The following BCAS3 variants were observed in gnomAD, a reference collection of about 807,000 sequenced individuals.
BCAS3 encodes the protein BCAS4/BCAS3 fusion.
Under a neutral mutation model 116.1 loss-of-function variants are expected in BCAS3, and 53 were observed. The ratio of observed to expected loss-of-function variants is 0.46; its 90% CI spans 0.37 to 0.57. BCAS3 has a LOEUF of 0.57. Among genes scored for constraint, BCAS3 ranks in the 20% least tolerant of loss-of-function variants. BCAS3 has a pLI of 0.00. For missense variants in BCAS3, 917 were observed against 1,165.4 expected, an observed-to-expected ratio of 0.79 and a Z score of 3.10; for synonymous variants, 391 against 408.2, an observed-to-expected ratio of 0.96 and a Z score of 0.51.
At chr17:61,218,674 T>A (rs773686167) in intron 22 of BCAS3, among the ~76,000 whole-genome samples, 2 of 152,180 alleles carry the variant, frequency 1.3e-5, no homozygotes, top group Non-Finnish European at 2.9e-5. Flanking sequence ...GCTGTTTAGT[T>A]TTGTGATTAA....
At chr17:60,687,459 CT>C (rs1299426468) in intron 3 of BCAS3, among the ~76,000 whole-genome samples, 2 of 152,080 alleles carry the variant, frequency 1.3e-5, no homozygotes, top group Non-Finnish European at 2.9e-5. Context: ...CAAAAATTAG[CT>C]GGGTGTGGTG....
intron 22 of BCAS3, among the ~76,000 whole-genome samples, chr17:61,317,556 G>C (rs548727900): frequency 6.6e-6 from 1 of 152,306 alleles, no homozygotes; most frequent in South Asian, 2.1e-4. Context: ...GGTGAGGTGA[G>C]GTCACTCTAG....
chr17:61,106,319 C>T lies in BCAS3; in HGVS notation c.2425+21755C>T, dbSNP rs997191168. 2.6e-5 allele frequency among the ~76,000 whole-genome samples: 4 copies of T among 152,134 alleles called. No homozygotes were observed. Among genetic ancestry groups the T allele is most frequent in the African/African-American group, 9.7e-5 (4 of 41,432 alleles). ...CAGTGTTCCAGTAAAATTATAATAC[C>T]AGATTTTTACTGTACCTTTTCTATG... is the stretch of plus-strand genomic sequence containing the variant. On this transcript the variant is annotated intron_variant, in intron 22 of 23. Transcript: ENST00000407086. This position sits in a 1 kb window ranked among gnomAD's most constrained non-coding sequence, Gnocchi z 4.2.
rs2074065271 is a variant in BCAS3 at position 61,097,645 on chromosome 17, G to A, written c.2425+13081G>A. ...TATTTTTCAATAGACAGAAGTAAAA[G>A]AGATGGGAAACCAGTATTAATTTAT... On this transcript the variant is annotated intron_variant, in intron 22 of 23. Transcript: ENST00000407086. This position sits in a 1 kb window ranked among gnomAD's most constrained non-coding sequence, Gnocchi z 4.0. Among the ~76,000 whole-genome samples the A allele has an allele frequency of 6.6e-6, 1 of 152,164 alleles. No individual in the cohort carries two copies. Among genetic ancestry groups the A allele is most frequent in the Non-Finnish European group, 1.5e-5 (1 of 68,036 alleles).
At chr17:61,045,215 G>A (rs2067934400) in intron 19 of BCAS3, among the ~76,000 whole-genome samples, 3 of 151,888 alleles carry the variant, frequency 2.0e-5, no homozygotes, top group Non-Finnish European at 2.9e-5. Context: ...TGCATTTACA[G>A]TGGACTACCT....
At chr17:61,070,397 A>ATATATCTATCTATC (rs1218400832) in intron 19 of BCAS3, 1 of 175,232 alleles carries the variant, frequency 5.7e-6, no homozygotes, top group Non-Finnish European at 1.1e-5. Flanking sequence ...ATATATATAT[A>ATATATCTATCTATC]TATCTTTTCA....
In BCAS3 at chr17:61,019,798, C is replaced by T. The variant is rs531261765; in HGVS notation, c.1637+3897C>T. Reference sequence around the variant, plus strand: ...CTGAGAAATCTGATGGCTCCATTAACGTCACCAGGGTGATGAGCACATGAG... The same window carrying T: ...CTGAGAAATCTGATGGCTCCATTAATGTCACCAGGGTGATGAGCACATGAG... On this transcript the variant is annotated intron_variant, in intron 16 of 23. Coordinates refer to ENST00000407086, the MANE Select transcript of BCAS3 (RefSeq NM_017679.5). The surrounding 1 kb of genome is among the most constrained non-coding windows in gnomAD (Gnocchi z 5.6). Among the ~76,000 whole-genome samples the T allele has an allele frequency of 3.3e-5, 5 of 152,266 alleles. No individual in the cohort carries two copies. Among genetic ancestry groups the T allele is most frequent in the African/African-American group, 7.2e-5 (3 of 41,558 alleles).
chr17:60,907,809 TAGTC>T (rs929810657), intron 11 of BCAS3, among the ~76,000 whole-genome samples: 39 of 152,310 alleles, frequency 2.6e-4, no homozygotes, highest in African/African-American at 9.1e-4. Flanking sequence ...TTTGAGAAAA[TAGTC>T]AGATATATAC....
At position 61,388,831 on chromosome 17, in the gene BCAS3, G is replaced by GTGT; in HGVS notation, c.2594-3146_2594-3145insTGT. ...CCCACACACACCCCTGCCTGCAGGG[G>GTGT]GAGGAGCAGAAGGGGTCTGAGAGGA... On this transcript the variant is annotated intron_variant, in intron 23 of 23. Coordinates refer to ENST00000407086, the MANE Select transcript of BCAS3 (RefSeq NM_017679.5). The surrounding 1 kb of genome is among the most constrained non-coding windows in gnomAD (Gnocchi z 6.5). The GTGT allele has an allele frequency of 1.0e-6, 1 of 991,344 alleles. No individual in the cohort carries two copies. The highest frequency in any genetic ancestry group is 1.5e-6 in the Non-Finnish European group (1 of 681,230). 61.4% of individuals were successfully genotyped at this position (991,344 alleles called of 1,614,324 possible). A position where few individuals can be genotyped will look rare whatever the true frequency, so the allele number is the denominator to read the frequency against.
intron 22 of BCAS3, among the ~76,000 whole-genome samples, chr17:61,168,492 C>T (rs1359233900): frequency 6.6e-6 from 1 of 152,212 alleles, no homozygotes; most frequent in Admixed American, 6.5e-5. Flanking sequence ...AATTTTCTCA[C>T]CTTTTCAAAT....
At chr17:60,688,832 A>G (rs1337824581) in intron 3 of BCAS3, 3 of 151,566 alleles carry the variant, frequency 2.0e-5, no homozygotes, top group African/African-American at 7.3e-5. Context: ...AAAAAAAAAG[A>G]AAGAAAAAAA....
chr17:60,855,774 C>T (rs1026182676), intron 7 of BCAS3, among the ~76,000 whole-genome samples: 2 of 152,030 alleles, frequency 1.3e-5, no homozygotes, highest in African/African-American at 4.8e-5. Flanking sequence ...AGCCTCAACC[C>T]CCAGCCTCAA....
chr17:60,679,383 T>C, intron 1 of BCAS3, 70 bp from the exon 2 acceptor site: 5 of 1,186,040 alleles, frequency 4.2e-6, no homozygotes, highest in Non-Finnish European at 6.1e-6. Flanking sequence ...TAATCATAAA[T>C]CTTCCTCCCT....
chr17:61,042,903 A>AAG (rs1432432536), intron 19 of BCAS3, among the ~76,000 whole-genome samples: 8 of 143,466 alleles, frequency 5.6e-5, no homozygotes, highest in African/African-American at 2.3e-4. Flanking sequence ...AAAAAAAAAA[A>AAG]AAAAAAAAAA....
intron 22 of BCAS3, among the ~76,000 whole-genome samples, chr17:61,146,385 CG>C (rs2077216217): frequency 6.6e-6 from 1 of 151,430 alleles, no homozygotes; most frequent in Non-Finnish European, 1.5e-5. Context: ...CTAAAGTGCT[CG>C]GATTACAGGT....
In BCAS3 at chr17:61,388,056, C is replaced by T. The variant is rs1347537293; in HGVS notation, c.2594-3921C>T. Among the ~76,000 whole-genome samples the T allele has an allele frequency of 6.6e-6, 1 of 152,136 alleles. No individual in the cohort carries two copies. Among genetic ancestry groups the T allele is most frequent in the African/African-American group, 2.4e-5 (1 of 41,414 alleles). ...CTGGGGACACTTCCCTCATTTCCTG[C>T]CACAGAGCCCCCAGCACTCTCTTTC... On this transcript the variant is annotated intron_variant, in intron 23 of 23. Transcript: ENST00000407086. This position sits in a 1 kb window ranked among gnomAD's most constrained non-coding sequence, Gnocchi z 6.5.
intron 6 of BCAS3, among the ~76,000 whole-genome samples, chr17:60,770,021 C>A (rs1407897269): frequency 6.6e-6 from 1 of 152,074 alleles, no homozygotes; most frequent in Non-Finnish European, 1.5e-5. Context: ...GATAAGCCCA[C>A]CTCGGCCTCC....
chr17:60,768,681 G>A lies in BCAS3; in HGVS notation c.403+21402G>A, dbSNP rs568345185. Among the ~76,000 whole-genome samples the A allele has an allele frequency of 3.3e-5, 5 of 152,314 alleles. No homozygotes were observed. In the East Asian group the frequency reaches 9.6e-4, roughly 29 times the overall value. ...GTAGCTTTGAGTGCAGTTATTAGTG[G>A]AGGCTGTGGTGAAATTTTGCTGGGC... On this transcript the variant is annotated intron_variant, in intron 6 of 23. Transcript: ENST00000407086.
chr17:60,971,704 G>A (rs919202710), intron 14 of BCAS3, among the ~76,000 whole-genome samples: 3 of 152,202 alleles, frequency 2.0e-5, no homozygotes, highest in African/African-American at 7.2e-5. Flanking sequence ...AAAAGATAAA[G>A]TGGCTGTAAT....
Sources: allele counts gnomAD v4.1 joint callset (sites outside exome capture counted in the v4.1 genomes callset), GRCh38; gene constraint gnomAD v4.1.1; non-coding constraint Gnocchi (gnomAD v3.1); transcripts MANE v1.5; gene names NCBI Gene and HGNC (gene_info 2026-07-23, HGNC 2026-07-21).